The following SIL1 variants were observed in gnomAD, a reference collection of about 807,000 sequenced individuals.
SIL1 encodes the protein nucleotide exchange factor SIL1.
Under a neutral mutation model 49.1 loss-of-function variants are expected in SIL1, and 40 were observed. That is an observed-to-expected ratio of 0.81 (90% CI 0.63 to 1.06). SIL1 has a LOEUF of 1.06. Among genes scored for constraint, SIL1 ranks in the 50% least tolerant of loss-of-function variants. The pLI, the probability that SIL1 is intolerant of heterozygous loss-of-function variation, is 0.00. For missense variants in SIL1, 500 were observed against 572.6 expected (o/e 0.87, Z 1.29); for synonymous variants, 253 against 250.8 (o/e 1.01, Z -0.08).
intron 7 of SIL1, among the ~76,000 whole-genome samples, chr5:138,959,019 C>A (rs1179965978): frequency 1.3e-5 from 2 of 152,256 alleles, no homozygotes; most frequent in Non-Finnish European, 2.9e-5. Flanking sequence ...TCCTTAATCA[C>A]CAGGCATTTT....
chr5:139,186,933 G>A (rs889486653), intron 1 of SIL1, among the ~76,000 whole-genome samples: 2 of 152,154 alleles, frequency 1.3e-5, no homozygotes, highest in Non-Finnish European at 2.9e-5. Flanking sequence ...CACTGTGGCT[G>A]GGAATCAAGA....
chr5:139,102,143 G>A (rs1057076930), intron 3 of SIL1, among the ~76,000 whole-genome samples: 4 of 152,122 alleles, frequency 2.6e-5, no homozygotes, highest in Non-Finnish European at 5.9e-5. Context: ...ATGCCCAACC[G>A]TAAGAATTAA....
chr5:139,003,198 A>G (rs953340624), intron 7 of SIL1, among the ~76,000 whole-genome samples: 2 of 152,054 alleles, frequency 1.3e-5, no homozygotes, highest in Non-Finnish European at 2.9e-5. Context: ...CAAGCAGGAG[A>G]TGAGCTGAAG....
Position 139,042,736 on chromosome 5 carries a change from G to A in SIL1, c.354-17C>T. The A allele has an allele frequency of 6.2e-6, 10 of 1,609,696 alleles. No homozygotes were observed. Among genetic ancestry groups the A allele is most frequent in the Non-Finnish European group, 7.7e-6 (9 of 1,176,032 alleles). ...ATATCCAGCCTGTCCAAAGAAAACT[G>A]AGAGTAAAGAGGGAGGCATGGCTAG... On this transcript the variant is annotated splice_polypyrimidine_tract_variant and intron_variant, in intron 4 of 9. Coordinates refer to ENST00000394817, the MANE Select transcript of SIL1 (RefSeq NM_022464.5).
chr5:139,188,593 GAC>G (rs1752115990), intron 1 of SIL1, among the ~76,000 whole-genome samples: 1 of 152,222 alleles, frequency 6.6e-6, no homozygotes, highest in Non-Finnish European at 1.5e-5. Flanking sequence ...CAAAGAGAGA[GAC>G]AGTCAACTTG....
chr5:139,027,084 T>A, intron 5 of SIL1, 92 bp from the exon 6 acceptor site: 1 of 1,198,942 alleles, frequency 8.3e-7, no homozygotes, highest in Middle Eastern at 2.4e-4. Flanking sequence ...CTCAAAAAAC[T>A]GCTGCTCCAA....
intron 2 of SIL1, among the ~76,000 whole-genome samples, chr5:139,122,364 AG>A (rs1162486186): frequency 1.3e-5 from 2 of 152,160 alleles, no homozygotes; most frequent in East Asian, 3.8e-4. Flanking sequence ...AGGCCAAGGC[AG>A]GTGGATTGCT....
At chr5:138,990,717 A>G (rs1767737203) in intron 7 of SIL1, among the ~76,000 whole-genome samples, 1 of 152,124 alleles carries the variant, frequency 6.6e-6, no homozygotes. Context: ...CATGAGCCCC[A>G]AACAGGCCCC....
At chr5:139,054,871 C>G (rs1216232409) in intron 3 of SIL1, among the ~76,000 whole-genome samples, 1 of 152,168 alleles carries the variant, frequency 6.6e-6, no homozygotes, top group Non-Finnish European at 1.5e-5. Flanking sequence ...GTCATGGCAG[C>G]AGCAGTGGCA....
chr5:139,098,864 T>C (rs1770526350), intron 3 of SIL1, among the ~76,000 whole-genome samples: 2 of 138,310 alleles, frequency 1.4e-5, no homozygotes, highest in Non-Finnish European at 3.1e-5. Flanking sequence ...TCACTCAGGC[T>C]GGAGTGCAGT....
At chr5:139,019,029 G>A (rs1768461501) in intron 7 of SIL1, among the ~76,000 whole-genome samples, 2 of 152,168 alleles carry the variant, frequency 1.3e-5, no homozygotes, top group Non-Finnish European at 2.9e-5. Flanking sequence ...TGACTGAGCA[G>A]TATTCATGCC....
intron 5 of SIL1, among the ~76,000 whole-genome samples, chr5:139,036,979 A>G (rs1019490071): frequency 1.3e-5 from 2 of 151,586 alleles, no homozygotes; most frequent in Admixed American, 6.6e-5. Flanking sequence ...TTCTTTTTTC[A>G]TTCTATTTGG....
chr5:139,190,997 C>T (rs996025652), intron 1 of SIL1, among the ~76,000 whole-genome samples: 3 of 151,892 alleles, frequency 2.0e-5, no homozygotes, highest in East Asian at 1.9e-4. Context: ...TTTGGGAGAC[C>T]GGGGTGAGCA....
chr5:139,018,215 T>A (rs147758669), intron 7 of SIL1, among the ~76,000 whole-genome samples: 53 of 152,262 alleles, frequency 3.5e-4, no homozygotes, highest in Middle Eastern at 3.4e-3. Flanking sequence ...AGGAAATAGA[T>A]CTCTTCATCC....
At chr5:138,951,670 C>G in intron 8 of SIL1, 118 bp downstream of exon 8, 2 of 1,000,348 alleles carry the variant, frequency 2.0e-6, no homozygotes, top group Non-Finnish European at 3.2e-6. Flanking sequence ...CCCTGTGCCA[C>G]CCAGCAGATG....
intron 3 of SIL1, among the ~76,000 whole-genome samples, chr5:139,077,945 C>G (rs573080789): frequency 4.6e-5 from 7 of 152,258 alleles, no homozygotes; most frequent in African/African-American, 1.7e-4. Flanking sequence ...TTCTCTCTAT[C>G]ACACTCCAGA....
chr5:139,158,734 A>AT (rs1424805088), intron 1 of SIL1, among the ~76,000 whole-genome samples: 1 of 152,192 alleles, frequency 6.6e-6, no homozygotes, highest in Non-Finnish European at 1.5e-5. Context: ...AGGTAAAATA[A>AT]TTTTTTAAAA....
At chr5:139,029,437 T>C (rs943916068) in intron 5 of SIL1, among the ~76,000 whole-genome samples, 2 of 152,172 alleles carry the variant, frequency 1.3e-5, no homozygotes, top group Admixed American at 6.5e-5. Flanking sequence ...GGGTGAAATG[T>C]TGGAGGCTCA....
intron 7 of SIL1, among the ~76,000 whole-genome samples, chr5:138,967,831 T>C (rs1364266363): frequency 1.4e-5 from 2 of 141,920 alleles, no homozygotes; most frequent in Admixed American, 1.4e-4. Flanking sequence ...ATAAATAGAG[T>C]CTTGAGGAAA....
Sources: allele counts gnomAD v4.1 joint callset (sites outside exome capture counted in the v4.1 genomes callset), GRCh38; gene constraint gnomAD v4.1.1; transcripts MANE v1.5; gene names NCBI Gene and HGNC (gene_info 2026-07-23, HGNC 2026-07-21).